Variants in PPARA observed in about 807,000 individuals in gnomAD.
PPARA encodes peroxisome proliferator-activated receptor alpha.
Under a neutral mutation model 42.2 loss-of-function variants are expected in PPARA, and 22 were observed. That is an observed-to-expected ratio of 0.52 (90% CI 0.37 to 0.74). PPARA has a LOEUF of 0.74. Ranked by LOEUF, PPARA falls within the 30% of genes least tolerant of loss-of-function variation. PPARA has a pLI of 0.00. For missense variants in PPARA, 465 were observed against 608.2 expected (o/e 0.76, Z 2.48); for synonymous variants, 242 against 239.3 (o/e 1.01, Z -0.10).
Position 46,197,829 on chromosome 22 carries a change from G to A in PPARA, c.-42-513G>A, listed in dbSNP as rs557615107. ...TGAGGCAGGAGAATTGCTTGAACCC[G>A]GGAGGTGGAGGTTGCAGTGAGCTGA... On this transcript the variant is annotated intron_variant, in intron 3 of 8. Transcript: ENST00000407236. Among the ~76,000 whole-genome samples the A allele has an allele frequency of 5.3e-5, 8 of 151,914 alleles. No homozygotes were observed. In the East Asian group the frequency reaches 1.2e-3, roughly 22 times the overall value.
chr22:46,241,914 A>G lies in PPARA; in HGVS notation c.*6534A>G, dbSNP rs1167576094. On this transcript the variant is annotated 3_prime_UTR_variant, in exon 9 of 9. Transcript: ENST00000407236. This position sits in a 1 kb window ranked among gnomAD's most constrained non-coding sequence, Gnocchi z 5.7. ...TCATGGCTGTTAGATGGATTATTTG[A>G]AAAAAAAAAAAAAAAAAGAGAGAAA... 11 of 69,928 alleles carry G rather than the reference A, an allele frequency of 1.6e-4. No homozygotes were observed. Among genetic ancestry groups the G allele is most frequent in the East Asian group, 1.1e-3 (5 of 4,646 alleles). The allele number at this position is 69,928 out of a possible 1,614,324, so 4.3% of individuals were successfully genotyped here.
rs1925335268 is a variant in PPARA, at chr22:46,156,626, G to T, written c.-127+4656G>T. 1 of 152,204 alleles carries T rather than the reference G, an allele frequency of 6.6e-6. No homozygotes were observed. Among genetic ancestry groups the T allele is most frequent in the East Asian group, 1.9e-4 (1 of 5,200 alleles). 9.4% of individuals were successfully genotyped at this position (152,204 alleles called of 1,614,324 possible). On this transcript the variant is annotated intron_variant, in intron 2 of 8. Coordinates refer to ENST00000407236, the MANE Select transcript of PPARA (RefSeq NM_005036.6). The surrounding 1 kb of genome is among the most constrained non-coding windows in gnomAD (Gnocchi z 5.2). ...TGTGTTTGTTTTTGTTTTTGAGACA[G>T]AGTCTCACTCTGTCACCCAGGCTGC... is the stretch of plus-strand genomic sequence containing the variant.
chr22:46,178,718 G>T (rs1397057264), intron 3 of PPARA, among the ~76,000 whole-genome samples: 1 of 152,194 alleles, frequency 6.6e-6, no homozygotes. Context: ...CCCAGTACTT[G>T]TGCCAGCCAG....
intron 3 of PPARA, among the ~76,000 whole-genome samples, chr22:46,178,957 G>A (rs1040897599): frequency 6.6e-6 from 1 of 152,188 alleles, no homozygotes; most frequent in African/African-American, 2.4e-5. Context: ...TGTATACACA[G>A]TGAGATAGAT....
rs894864682 is a variant in PPARA at position 46,231,540 on chromosome 22, C to T, written c.712-252C>T. ...CCAGCCCAGTACTTCAGTTTCTTAG[C>T]GATGAAATCCACCCAATGTCAGGCG... is the stretch of plus-strand genomic sequence containing the variant. On this transcript the variant is annotated intron_variant, in intron 7 of 8. Transcript: ENST00000407236. This position sits in a 1 kb window ranked among gnomAD's most constrained non-coding sequence, Gnocchi z 7.7. 3.9e-5 allele frequency among the ~76,000 whole-genome samples: 6 copies of T among 152,148 alleles called. No individual in the cohort carries two copies. The highest frequency in any genetic ancestry group is 2.1e-4 in the South Asian group (1 of 4,812).
At chr22:46,226,882 GAAA>G (rs1033989052) in intron 7 of PPARA, among the ~76,000 whole-genome samples, 1 of 151,050 alleles carries the variant, frequency 6.6e-6, no homozygotes, top group Non-Finnish European at 1.5e-5. Context: ...ACAGAAAAAA[GAAA>G]AAAAAAGTTG....
Position 46,150,801 on chromosome 22 carries a change from CGGGTCCCGGGGACCCG to C in PPARA, c.-210+153_-210+168del, listed in dbSNP as rs1333347431. On this transcript the variant is annotated intron_variant, in intron 1 of 8. Coordinates refer to ENST00000407236, the MANE Select transcript of PPARA (RefSeq NM_005036.6). The surrounding 1 kb of genome is among the most constrained non-coding windows in gnomAD (Gnocchi z 7.5). ...GCGGGGCCCGGGGTCTCGGGGTCTC[CGGGTCCCGGGGACCCG>C]GGGGCCCGGGGTGCGCGGCTGGGGA... is the stretch of plus-strand genomic sequence containing the variant. 6.7e-6 allele frequency: 1 copy of C among 150,252 alleles called. No homozygotes were observed. Among genetic ancestry groups the C allele is most frequent in the Non-Finnish European group, 1.5e-5 (1 of 67,600 alleles). 9.3% of individuals were successfully genotyped at this position (150,252 alleles called of 1,614,324 possible). A position where few individuals can be genotyped will look rare whatever the true frequency, so the allele number is the denominator to read the frequency against.
chr22:46,220,191 C>T, intron 7 of PPARA, 177 bp downstream of exon 7: 1 of 772,586 alleles, frequency 1.3e-6, no homozygotes, highest in Non-Finnish European at 2.2e-6. Context: ...TTAACAACAA[C>T]TCCTTTCTTC....
Position 46,162,192 on chromosome 22 carries a change from G to A in PPARA, c.-127+10222G>A, listed in dbSNP as rs113852612. Among the ~76,000 whole-genome samples the A allele has an allele frequency of 6.7e-3, 1,025 of 152,290 alleles. 9 individuals carry two copies. Among genetic ancestry groups the A allele is most frequent in the African/African-American group, 0.024 (979 of 41,542 alleles). On this transcript the variant is annotated intron_variant, in intron 2 of 8. Coordinates refer to ENST00000407236, the MANE Select transcript of PPARA (RefSeq NM_005036.6). This position sits in a 1 kb window ranked among gnomAD's most constrained non-coding sequence, Gnocchi z 6.0. ...CAGCTACAAGAGGGGTGCATGCTAG[G>A]GTTTCTCTGGATTGCTGCACCTGGC...
At position 46,241,930 on chromosome 22, in the gene PPARA, AAGAG is replaced by A. The variant is rs901427736; in HGVS notation, c.*6554_*6557del. 5 of 151,012 alleles carry A rather than the reference AAGAG, an allele frequency of 3.3e-5. No homozygotes were observed. Among genetic ancestry groups the A allele is most frequent in the Admixed American group, 6.6e-5 (1 of 15,192 alleles). 9.4% of individuals were successfully genotyped at this position (151,012 alleles called of 1,614,324 possible). A position where few individuals can be genotyped will look rare whatever the true frequency, so the allele number is the denominator to read the frequency against. On this transcript the variant is annotated 3_prime_UTR_variant, in exon 9 of 9. Transcript: ENST00000407236. This position sits in a 1 kb window ranked among gnomAD's most constrained non-coding sequence, Gnocchi z 5.7. Reference sequence around the variant, plus strand: ...GATTATTTGAAAAAAAAAAAAAAAAAAGAGAGAAAAAATAATTGATTTTTACATC... The same window carrying A: ...GATTATTTGAAAAAAAAAAAAAAAAAAGAAAAAATAATTGATTTTTACATC...
Position 46,225,619 on chromosome 22 carries a change from G to C in PPARA, c.711+5605G>C, listed in dbSNP as rs1171983779. Among the ~76,000 whole-genome samples, 1 of 146,266 alleles carries C rather than the reference G, an allele frequency of 6.8e-6. No homozygotes were observed. The highest frequency in any genetic ancestry group is 2.5e-5 in the African/African-American group (1 of 39,428). On this transcript the variant is annotated intron_variant, in intron 7 of 8. Coordinates refer to ENST00000407236, the MANE Select transcript of PPARA (RefSeq NM_005036.6). The surrounding 1 kb of genome is among the most constrained non-coding windows in gnomAD (Gnocchi z 4.1). Reference sequence around the variant, plus strand: ...CACAGTCACACATCCATGCATGCATGTGTACACAAACACACCCACACATAC... The same window carrying C: ...CACAGTCACACATCCATGCATGCATCTGTACACAAACACACCCACACATAC...
chr22:46,189,990 C>T (rs1368964276), intron 3 of PPARA, among the ~76,000 whole-genome samples: 2 of 152,172 alleles, frequency 1.3e-5, no homozygotes, highest in African/African-American at 4.8e-5. Flanking sequence ...CAGGCATGAG[C>T]GACTGCGCCC....
Position 46,225,788 on chromosome 22 carries a change from C to T in PPARA, c.711+5774C>T, listed in dbSNP as rs529320269. 6.6e-6 allele frequency among the ~76,000 whole-genome samples: 1 copy of T among 151,250 alleles called. No homozygotes were observed. The highest frequency in any genetic ancestry group is 2.4e-5 in the African/African-American group (1 of 41,056). ...ATGCATGCACGTGTAAACACACACA[C>T]CCCCACACATACACGTGCACCCACA... On this transcript the variant is annotated intron_variant, in intron 7 of 8. Transcript: ENST00000407236. The surrounding 1 kb of genome is among the most constrained non-coding windows in gnomAD (Gnocchi z 4.1).
Position 46,221,779 on chromosome 22 carries a change from G to A in PPARA, c.711+1765G>A, listed in dbSNP as rs767676337. 1.1e-4 allele frequency among the ~76,000 whole-genome samples: 16 copies of A among 151,536 alleles called. No individual in the cohort carries two copies. Among genetic ancestry groups the A allele is most frequent in the South Asian group, 2.1e-4 (1 of 4,810 alleles). ...GTGCCACTGCACTTCCAGCCTGGGCGACAAAGCCAGCTGTGTCTGGGCGCG... is the reference window on the plus strand; with the variant it reads ...GTGCCACTGCACTTCCAGCCTGGGCAACAAAGCCAGCTGTGTCTGGGCGCG... On this transcript the variant is annotated intron_variant, in intron 7 of 8. Transcript: ENST00000407236. The surrounding 1 kb of genome is among the most constrained non-coding windows in gnomAD (Gnocchi z 5.9).
intron 2 of PPARA, among the ~76,000 whole-genome samples, chr22:46,153,686 C>G (rs1440589241): frequency 9.2e-5 from 14 of 151,952 alleles, no homozygotes; most frequent in Non-Finnish European, 1.6e-4. Context: ...TGGTGAAACC[C>G]TGTCTCTACT....
In PPARA at chr22:46,235,224, G is replaced by C; in HGVS notation, c.1251G>C (p.Pro417=). Reference sequence around the variant, plus strand: ...GACTCCACCTGCAGAGCAACCACCCGGACGATATCTTTCTCTTCCCAAAAC... The same window carrying C: ...GACTCCACCTGCAGAGCAACCACCCCGACGATATCTTTCTCTTCCCAAAAC... ...VLRLHLQSNH[P]DDIFLFPKLL... The change falls in exon 9 of 9, where the codon CCG becomes CCC. Residue 417 remains proline, a synonymous_variant. Transcript: ENST00000407236. The surrounding 1 kb of genome is among the most constrained non-coding windows in gnomAD (Gnocchi z 7.0). The C allele has an allele frequency of 1.2e-6, 2 of 1,614,056 alleles. No homozygotes were observed. Among genetic ancestry groups the C allele is most frequent in the Non-Finnish European group, 1.7e-6 (2 of 1,180,022 alleles).
rs2073244054 is a variant in PPARA, at chr22:46,219,028, A to G, written c.508+627A>G. On this transcript the variant is annotated intron_variant, in intron 6 of 8. Transcript: ENST00000407236. The surrounding 1 kb of genome is among the most constrained non-coding windows in gnomAD (Gnocchi z 4.8). ...AATACAAAAATTAGCTGGGCATGGT[A>G]GTGCACACCTGTAATCCCAGCTACT... Among the ~76,000 whole-genome samples, 1 of 147,914 alleles carries G rather than the reference A, an allele frequency of 6.8e-6. No individual in the cohort carries two copies. The highest frequency in any genetic ancestry group is 6.8e-5 in the Admixed American group (1 of 14,682).
rs1935092502 is a variant in PPARA, at chr22:46,222,621, G to T, written c.711+2607G>T. ...CTGGATTACGAGAGTGAAAGAAAAG[G>T]TAACTTTTAGCTTCGAGTCTCTATC... On this transcript the variant is annotated intron_variant, in intron 7 of 8. Coordinates refer to ENST00000407236, the MANE Select transcript of PPARA (RefSeq NM_005036.6). The surrounding 1 kb of genome is among the most constrained non-coding windows in gnomAD (Gnocchi z 5.9). Among the ~76,000 whole-genome samples the T allele has an allele frequency of 6.6e-6, 1 of 152,180 alleles. No individual in the cohort carries two copies. The highest frequency in any genetic ancestry group is 6.5e-5 in the Admixed American group (1 of 15,274).
rs1932790865 is a variant in PPARA at position 46,200,636 on chromosome 22, C to T, written c.208+2045C>T. ...AGCTCAGAGAAATTAAGTAACTTGG[C>T]TGGGCGCAGTGGCTCACGCCTGTAA... On this transcript the variant is annotated intron_variant, in intron 4 of 8. Coordinates refer to ENST00000407236, the MANE Select transcript of PPARA (RefSeq NM_005036.6). This position sits in a 1 kb window ranked among gnomAD's most constrained non-coding sequence, Gnocchi z 4.8. Among the ~76,000 whole-genome samples the T allele has an allele frequency of 6.6e-6, 1 of 152,268 alleles. No individual in the cohort carries two copies.
Sources: gnomAD v4.1 joint callset for allele counts (sites outside exome capture counted in the v4.1 genomes callset) on GRCh38, gnomAD v4.1.1 for gene constraint, Gnocchi (gnomAD v3.1) non-coding constraint, MANE v1.5 for transcripts, NCBI Gene and HGNC (gene_info 2026-07-23, HGNC 2026-07-21) for gene names.